LCN12: variants seen among roughly 807,000 people sequenced by gnomAD.
LCN12 encodes epididymal-specific lipocalin-12.
In LCN12, 15 loss-of-function variants were observed where a neutral mutation model predicts 23.7. The ratio of observed to expected loss-of-function variants is 0.63; its 90% CI spans 0.42 to 0.97. LCN12 has a LOEUF of 0.97. LCN12 is among the 50% of genes least tolerant of loss of function. The pLI is 0.00. For missense variants in LCN12, 219 were observed against 249.6 expected, an observed-to-expected ratio of 0.88 and a Z score of 0.83; for synonymous variants, 116 against 111.5, an observed-to-expected ratio of 1.04 and a Z score of -0.25.
In LCN12 at chr9:136,955,365, C is replaced by G; in HGVS notation, c.551-6C>G. 1 of 1,613,160 alleles carries G rather than the reference C, an allele frequency of 6.2e-7. No homozygotes were observed. ...TCCTCCATCCCGACTCCATCTCCCCCACCAGGCTGGTCACCCCAGGCCAGC... is the reference window on the plus strand; with the variant it reads ...TCCTCCATCCCGACTCCATCTCCCCGACCAGGCTGGTCACCCCAGGCCAGC... On this transcript the variant is annotated splice_polypyrimidine_tract_variant and splice_region_variant and intron_variant, in intron 5 of 5. Transcript: ENST00000371633.
chr9:136,955,499 C>CTA, downstream of LCN12: 1 of 1,306,568 alleles, frequency 7.7e-7, no homozygotes. Flanking sequence ...AAGCCCAGAG[C>CTA]CCCAGAGTGT....
At chr9:136,954,382 G>A (rs1482915600) in intron 5 of LCN12, 127 bp downstream of exon 5, 4 of 1,089,338 alleles carry the variant, frequency 3.7e-6, no homozygotes, top group Non-Finnish European at 5.5e-6. Context: ...TGCGCTCAGG[G>A]GTCTCCAGGC....
downstream of LCN12, among the ~76,000 whole-genome samples, chr9:136,955,863 G>A (rs554094026): frequency 6.6e-6 from 1 of 152,148 alleles, no homozygotes; most frequent in African/African-American, 2.4e-5. Context: ...CTCAGACCCC[G>A]AGCTGTCCCA....
rs1183066515 is a variant in LCN12 at position 136,954,388 on chromosome 9, C to T, written c.550+133C>T. 2.8e-6 allele frequency: 3 copies of T among 1,054,390 alleles called. No individual in the cohort carries two copies. In the Admixed American group the frequency reaches 6.0e-5, roughly 21 times the overall value. 65.3% of individuals were successfully genotyped at this position (1,054,390 alleles called of 1,614,324 possible). ...GCCCCAGCCTGCGCTCAGGGGTCTCCAGGCTCCTGGGTCCCTGTGCTCAAC... is the reference window on the plus strand; with the variant it reads ...GCCCCAGCCTGCGCTCAGGGGTCTCTAGGCTCCTGGGTCCCTGTGCTCAAC... On this transcript the variant is annotated intron_variant, in intron 5 of 5. Coordinates refer to ENST00000371633, the MANE Select transcript of LCN12 (RefSeq NM_178536.4).
rs1564446730 is a variant in LCN12 at position 136,952,882 on chromosome 9, GC to G, written c.115-8del. On this transcript the variant is annotated splice_polypyrimidine_tract_variant and intron_variant, in intron 1 of 5. Coordinates refer to ENST00000371633, the MANE Select transcript of LCN12 (RefSeq NM_178536.4). ...CCCACCGCCGCCCCTGCCCACCACC[GC>G]CTCTGTAGTTCCAGGGGGAATGGTT... 1.5e-6 allele frequency: 1 copy of G among 657,276 alleles called. No homozygotes were observed. Among genetic ancestry groups the G allele is most frequent in the East Asian group, 5.1e-5 (1 of 19,716 alleles). The allele number at this position is 657,276 out of a possible 1,614,324, so 40.7% of individuals were successfully genotyped here.
upstream of LCN12, chr9:136,951,429 T>C (rs1851148770): frequency 6.6e-6 from 1 of 152,204 alleles, no homozygotes; most frequent in Non-Finnish European, 1.5e-5. Context: ...AACTTTTAAA[T>C]TTTTTTGTAG....
rs193302072 is a variant in LCN12, at chr9:136,953,943, G to A, written c.427G>A (p.Val143Ile). 2.2e-4 allele frequency: 357 copies of A among 1,610,482 alleles called. 1 individual carries two copies. The African/African-American group carries it at 4.0e-3, about 18-fold the overall frequency. Residue 143 changes from valine (V) to isoleucine (I), a missense_variant, in exon 4 of 6, where the codon GTC becomes ATC. Coordinates refer to ENST00000371633, the MANE Select transcript of LCN12 (RefSeq NM_178536.4). ...CCGCAGACACACGAGCAGGCTGGCC[G>A]TCCTCAGGATCAGCCTGCTGGGTGA... is the stretch of plus-strand genomic sequence containing the variant. ...LSRRHTSRLA[V>I]LRISLLGRSW...
chr9:136,954,983 T>C (rs1851289107), intron 5 of LCN12: 2 of 1,322,056 alleles, frequency 1.5e-6, no homozygotes, highest in Non-Finnish European at 2.0e-6. Context: ...AACACCCACT[T>C]ACACACACGC....
At chr9:136,950,186 C>T (rs1172779581), upstream of LCN12, among the ~76,000 whole-genome samples, 1 of 152,208 alleles carries the variant, frequency 6.6e-6, no homozygotes, top group African/African-American at 2.4e-5. Flanking sequence ...AGGAGCAGCA[C>T]CTGCGTCTGC....
chr9:136,952,468 G>T, intron 1 of LCN12, 27 bp downstream of exon 1: 1 of 1,517,102 alleles, frequency 6.6e-7, no homozygotes. Context: ...GGAAGGAGAA[G>T]CAGCCGGCTG....
At chr9:136,952,758 C>T in intron 1 of LCN12, 134 bp from the exon 2 acceptor site, 1 of 1,053,424 alleles carries the variant, frequency 9.5e-7, no homozygotes, top group Admixed American at 2.5e-5. Flanking sequence ...TGCCAGTGTC[C>T]CTGGCGCCGG....
rs115830990 is a variant in LCN12, at chr9:136,953,841, G to A, written c.332-7G>A. The stretch of plus-strand genomic sequence containing the variant: ...CCCACAGGGATGTGACGTCTGTGCC[G>A]CCTCAGAGCCCGGGGCGGACAGAGA... On this transcript the variant is annotated splice_region_variant and splice_polypyrimidine_tract_variant and intron_variant, in intron 3 of 5. Coordinates refer to ENST00000371633, the MANE Select transcript of LCN12 (RefSeq NM_178536.4). The A allele has an allele frequency of 3.4e-3, 5,426 of 1,598,122 alleles. 59 individuals are homozygous for A. The African/African-American group carries it at 0.038, about 11-fold the overall frequency.
rs751742136 is a variant in LCN12 at position 136,952,972 on chromosome 9, C to T, written c.195C>T (p.Thr65=). 1.7e-5 allele frequency: 27 copies of T among 1,613,974 alleles called. No homozygotes were observed. Among genetic ancestry groups the T allele is most frequent in the Admixed American group, 6.7e-5 (4 of 60,010 alleles). Residue 65 remains threonine, a synonymous_variant, in exon 2 of 6, where the codon ACC becomes ACT. Coordinates refer to ENST00000371633, the MANE Select transcript of LCN12 (RefSeq NM_178536.4). ...PEHRALLNAF[T]ATFELSDDGR... ...ACAGGGCGCTGCTGAACGCTTTCAC[C>T]GCAACTTTTGAGCTAAGTGATGATG... is the stretch of plus-strand genomic sequence containing the variant.
intron 5 of LCN12, 193 bp from the exon 6 acceptor site, chr9:136,955,178 G>A (rs1005841640): frequency 2.1e-6 from 3 of 1,418,580 alleles, no homozygotes; most frequent in Non-Finnish European, 2.8e-6. Flanking sequence ...AGCCGCTGTG[G>A]GCCACATCTT....
At chr9:136,949,863 C>G (rs1432767670), upstream of LCN12, among the ~76,000 whole-genome samples, 1 of 152,142 alleles carries the variant, frequency 6.6e-6, no homozygotes, top group East Asian at 1.9e-4. Context: ...TCCCGCCTCT[C>G]AAGGACGCCT....
At chr9:136,954,942 G>T in intron 5 of LCN12, 1 of 1,254,588 alleles carries the variant, frequency 8.0e-7, no homozygotes. Flanking sequence ...ATGAGCAAAC[G>T]TGTACAGACT....
chr9:136,952,430 C>T lies in LCN12; in HGVS notation c.103C>T (p.Gln35Ter), dbSNP rs1851179652. The T allele has an allele frequency of 6.2e-7, 1 of 1,608,632 alleles. No individual in the cohort carries two copies. The highest frequency in any genetic ancestry group is 1.3e-5 in the African/African-American group (1 of 74,792). Residue 35 changes from glutamine to a stop codon, truncating the protein, a stop_gained, in exon 1 of 6, where the codon CAA becomes TAA. Transcript: ENST00000371633. LOFTEE classifies it high-confidence loss of function. ...ACTCCCGCCCCCGATGCAGAGCTTC[C>T]AAGGAAACCAGGTACAGGGGTTTTG... ...LPLPPPMQSF[Q>*]GNQFQGEWFV...
chr9:136,952,770 C>T, intron 1 of LCN12, 122 bp from the exon 2 acceptor site: 1 of 1,218,392 alleles, frequency 8.2e-7, no homozygotes, highest in Non-Finnish European at 1.1e-6. Context: ...TGGCGCCGGC[C>T]CAGCCAGGAG....
intron 5 of LCN12, chr9:136,954,491 G>T: frequency 1.7e-6 from 1 of 587,060 alleles, no homozygotes; most frequent in Non-Finnish European, 3.1e-6. Context: ...CTCCTGTCCC[G>T]GGCCACCTCC....
Sources: gnomAD v4.1 joint callset for allele counts (sites outside exome capture counted in the v4.1 genomes callset) on GRCh38, gnomAD v4.1.1 for gene constraint, MANE v1.5 for transcripts, NCBI Gene and HGNC (gene_info 2026-07-23, HGNC 2026-07-21) for gene names.